The following KANK4 variants were observed in gnomAD, a reference collection of about 807,000 sequenced individuals.
KANK4 encodes KN motif and ankyrin repeat domains 4, also known as KN motif and ankyrin repeat domain-containing protein 4.
A neutral mutation model predicts 80.8 loss-of-function variants in KANK4; 50 were observed. That is an observed-to-expected ratio of 0.62 (90% CI 0.49 to 0.78). The LOEUF (loss-of-function observed/expected upper bound fraction) is 0.78, where lower values mean the gene tolerates loss of function less well. KANK4 is among the 30% of genes least tolerant of loss of function. The probability of loss-of-function intolerance (pLI) is 0.00; values close to 1 mark genes in which losing one functional copy is unlikely to be tolerated. For missense variants in KANK4, 1,196 were observed against 1,240.1 expected (o/e 0.96, Z 0.53); for synonymous variants, 465 against 506.9 (o/e 0.92, Z 1.11).
intron 1 of KANK4, among the ~76,000 whole-genome samples, chr1:62,299,183 G>C (rs916735624): frequency 2.6e-5 from 4 of 152,082 alleles, no homozygotes; most frequent in African/African-American, 9.7e-5. Flanking sequence ...TCAGCCTCCA[G>C]AGTAGCTGGG....
At chr1:62,297,946 A>G (rs1447475195) in intron 1 of KANK4, among the ~76,000 whole-genome samples, 1 of 152,184 alleles carries the variant, frequency 6.6e-6, no homozygotes, top group Non-Finnish European at 1.5e-5. Context: ...TTTTCAGGGC[A>G]GATACAAGGG....
Position 62,274,279 on chromosome 1 carries a change from C to T in KANK4, c.825G>A (p.Val275=). ...EDEHNAREAE[V]LFTPGSPTPS... ...GCGTAGGGGAGCCAGGGGTGAACAA[C>T]ACCTCTGCTTCTCTGGCATTGTGTT... The change falls in exon 3 of 10, where the codon GTG becomes GTA. Residue 275 remains valine (V), a synonymous_variant. Transcript: ENST00000371153. 1 of 1,614,068 alleles carries T rather than the reference C, an allele frequency of 6.2e-7. No individual in the cohort carries two copies. The highest frequency in any genetic ancestry group is 8.5e-7 in the Non-Finnish European group (1 of 1,179,986).
At chr1:62,275,563 G>T (rs369936595) in intron 2 of KANK4, among the ~76,000 whole-genome samples, 12 of 152,188 alleles carry the variant, frequency 7.9e-5, no homozygotes, top group Admixed American at 6.5e-5. Flanking sequence ...ACCCTAACTT[G>T]CATGACTCAA....
At chr1:62,308,311 T>A (rs1162499222) in intron 1 of KANK4, among the ~76,000 whole-genome samples, 4 of 152,198 alleles carry the variant, frequency 2.6e-5, no homozygotes, top group Non-Finnish European at 5.9e-5. Flanking sequence ...AGGGGCCTAA[T>A]GACCTCCTAT....
intron 1 of KANK4, among the ~76,000 whole-genome samples, chr1:62,302,860 G>A (rs1486352680): frequency 6.6e-6 from 1 of 152,144 alleles, no homozygotes; most frequent in Non-Finnish European, 1.5e-5. Flanking sequence ...GTTAGCAGTA[G>A]GAGAATCTGA....
At chr1:62,258,977 G>A (rs944778224) in intron 7 of KANK4, among the ~76,000 whole-genome samples, 5 of 152,072 alleles carry the variant, frequency 3.3e-5, no homozygotes, top group Non-Finnish European at 5.9e-5. Flanking sequence ...TGAGGCCAGC[G>A]TGGCTGGAGT....
At chr1:62,245,467 G>A (rs1671443097) in intron 9 of KANK4, among the ~76,000 whole-genome samples, 1 of 152,152 alleles carries the variant, frequency 6.6e-6, no homozygotes. Context: ...CCAGTAAGAG[G>A]TGCTGTCCCT....
intron 2 of KANK4, among the ~76,000 whole-genome samples, chr1:62,279,198 G>GCGCACACACA (rs1282615199): frequency 1.1e-3 from 167 of 146,220 alleles, no homozygotes; most frequent in African/African-American, 3.6e-3. Context: ...GCTAGCGCGC[G>GCGCACACACA]CACACACACA....
At chr1:62,282,190 A>G (rs1390432120) in intron 1 of KANK4, among the ~76,000 whole-genome samples, 1 of 152,188 alleles carries the variant, frequency 6.6e-6, no homozygotes, top group Non-Finnish European at 1.5e-5. Flanking sequence ...CCATGGGCAG[A>G]ACAAGGGGAA....
chr1:62,292,538 T>A lies in KANK4; in HGVS notation c.-70-10904A>T, dbSNP rs1672700452. ...TCTGGAGAGCCTATTTGGGTAGAAT[T>A]CTCTAATTTCTGAAATCCTATAGTA... On this transcript the variant is annotated intron_variant, in intron 1 of 9. Transcript: ENST00000371153. 3.3e-5 allele frequency among the ~76,000 whole-genome samples: 5 copies of A among 152,174 alleles called. No individual in the cohort carries two copies. In the South Asian group the frequency reaches 8.3e-4, roughly 25 times the overall value.
chr1:62,268,958 C>T (rs1672095077), intron 4 of KANK4, among the ~76,000 whole-genome samples: 1 of 152,208 alleles, frequency 6.6e-6, no homozygotes, highest in Non-Finnish European at 1.5e-5. Context: ...TGCAAATCTT[C>T]ACATCTCTGG....
At chr1:62,276,062 C>T (rs969044562) in intron 2 of KANK4, among the ~76,000 whole-genome samples, 1 of 151,862 alleles carries the variant, frequency 6.6e-6, no homozygotes, top group African/African-American at 2.4e-5. Flanking sequence ...ACTTGACTTT[C>T]CAGGGCAACC....
intron 1 of KANK4, among the ~76,000 whole-genome samples, chr1:62,293,157 G>A (rs1355881624): frequency 2.0e-5 from 3 of 151,290 alleles, no homozygotes; most frequent in Admixed American, 6.6e-5. Flanking sequence ...GCACAATCTC[G>A]GCTCACTGCA....
chr1:62,241,045 A>T (rs1671329282), intron 9 of KANK4, among the ~76,000 whole-genome samples: 2 of 152,218 alleles, frequency 1.3e-5, no homozygotes, highest in Non-Finnish European at 2.9e-5. Flanking sequence ...GGTAGAGGAC[A>T]CCCAAGACCC....
chr1:62,254,614 C>T (rs1671706820), intron 7 of KANK4, among the ~76,000 whole-genome samples: 1 of 150,482 alleles, frequency 6.6e-6, no homozygotes, highest in Non-Finnish European at 1.5e-5. Flanking sequence ...AGTACAGTTG[C>T]ATGATCTCGG....
At chr1:62,312,181 G>A (rs1644503046) in intron 1 of KANK4, among the ~76,000 whole-genome samples, 1 of 151,922 alleles carries the variant, frequency 6.6e-6, no homozygotes, top group African/African-American at 2.4e-5. Flanking sequence ...CTTTATTAAT[G>A]CATTAAATAA....
intron 8 of KANK4, among the ~76,000 whole-genome samples, chr1:62,251,331 A>T (rs1486763231): frequency 1.3e-5 from 2 of 152,180 alleles, no homozygotes; most frequent in African/African-American, 4.8e-5. Flanking sequence ...GTCTTCTGCC[A>T]GCATCCACAA....
Position 62,263,000 on chromosome 1 carries a change from T to C in KANK4, c.2539+92A>G, listed in dbSNP as rs1671924468. On this transcript the variant is annotated intron_variant, in intron 7 of 9. Transcript: ENST00000371153. Reference sequence around the variant, plus strand: ...CATGTAACCAAAAACCACTTGTACCTTTAAAGCTATTGAAATTTTTGAAAA... The same window carrying C: ...CATGTAACCAAAAACCACTTGTACCCTTAAAGCTATTGAAATTTTTGAAAA... 4 of 900,874 alleles carry C rather than the reference T, an allele frequency of 4.4e-6. No homozygotes were observed. The South Asian group carries it at 5.8e-5, about 13-fold the overall frequency. 55.8% of individuals were successfully genotyped at this position (900,874 alleles called of 1,614,324 possible).
In KANK4 at chr1:62,237,938, TCCTG is replaced by T. The variant is rs1400047556; in HGVS notation, c.*335_*338del. The T allele has an allele frequency of 9.1e-6, 2 of 220,342 alleles. No homozygotes were observed. Among genetic ancestry groups the T allele is most frequent in the Non-Finnish European group, 9.0e-6 (1 of 111,498 alleles). The allele number at this position is 220,342 out of a possible 1,614,324, so 13.6% of individuals were successfully genotyped here. A position where few individuals can be genotyped will look rare whatever the true frequency, so the allele number is the denominator to read the frequency against. ...TTGCTTTTCTAATGTGCTAATGTGC[TCCTG>T]CCTGCCTGCTTGCTACACAATGTTA... On this transcript the variant is annotated 3_prime_UTR_variant, in exon 10 of 10. Transcript: ENST00000371153.
Sources: allele counts gnomAD v4.1 joint callset (sites outside exome capture counted in the v4.1 genomes callset), GRCh38; gene constraint gnomAD v4.1.1; transcripts MANE v1.5; gene names NCBI Gene and HGNC (gene_info 2026-07-23, HGNC 2026-07-21).